Variants in PCGF5 observed in about 807,000 individuals in gnomAD.
The protein encoded by PCGF5 is polycomb group ring finger 5, also known as polycomb group RING finger protein 5.
Under a neutral mutation model 44.3 loss-of-function variants are expected in PCGF5, and 9 were observed. The ratio of observed to expected loss-of-function variants is 0.20; its 90% CI spans 0.12 to 0.35. PCGF5 has a LOEUF of 0.35. Among genes scored for constraint, PCGF5 ranks in the 10% least tolerant of loss-of-function variants. The pLI is 1.00. For missense variants in PCGF5, 146 were observed against 305.3 expected (o/e 0.48, Z 3.89); for synonymous variants, 95 against 102.5 (o/e 0.93, Z 0.44).
At chr10:91,180,893 A>T (rs942034406) in intron 1 of PCGF5, among the ~76,000 whole-genome samples, 1 of 152,160 alleles carries the variant, frequency 6.6e-6, no homozygotes, top group Admixed American at 6.5e-5. Flanking sequence ...GAAGAATGTC[A>T]ATGGTAGTTT....
chr10:91,258,820 G>T (rs1845823927), intron 6 of PCGF5, among the ~76,000 whole-genome samples: 1 of 152,054 alleles, frequency 6.6e-6, no homozygotes, highest in Admixed American at 6.6e-5. Context: ...ATTGTGACCA[G>T]GTTGTTATTT....
chr10:91,167,337 A>G (rs1004085682), intron 1 of PCGF5, among the ~76,000 whole-genome samples: 8 of 152,266 alleles, frequency 5.3e-5, no homozygotes, highest in South Asian at 4.1e-4. Flanking sequence ...TGTAGAGCAC[A>G]TAAGACAGAT....
intron 9 of PCGF5, among the ~76,000 whole-genome samples, chr10:91,272,670 G>C (rs1353589973): frequency 6.6e-6 from 1 of 152,130 alleles, no homozygotes; most frequent in East Asian, 1.9e-4. Context: ...CTACTAAGGA[G>C]GTTGAGGCGG....
chr10:91,257,483 C>G (rs1173182878), intron 6 of PCGF5, among the ~76,000 whole-genome samples: 1 of 146,918 alleles, frequency 6.8e-6, no homozygotes, highest in East Asian at 1.9e-4. Flanking sequence ...GCATATGTTC[C>G]AAGACCCCCA....
chr10:91,247,912 G>A (rs1215154917), intron 3 of PCGF5, among the ~76,000 whole-genome samples: 1 of 152,106 alleles, frequency 6.6e-6, no homozygotes, highest in Non-Finnish European at 1.5e-5. Flanking sequence ...TAGCTGGGTG[G>A]TTCATCTGGT....
chr10:91,213,526 G>A (rs1205586612), intron 1 of PCGF5, among the ~76,000 whole-genome samples: 7 of 151,880 alleles, frequency 4.6e-5, no homozygotes, highest in Admixed American at 1.3e-4. Context: ...GTGCAATGGC[G>A]TGATCTTGGC....
upstream of PCGF5, among the ~76,000 whole-genome samples, chr10:91,161,683 G>C (rs897644206): frequency 6.6e-6 from 1 of 152,186 alleles, no homozygotes; most frequent in African/African-American, 2.4e-5. Context: ...AGGAGATATA[G>C]AGACGCAGGA....
chr10:91,177,983 A>T (rs1438670595), intron 1 of PCGF5, among the ~76,000 whole-genome samples: 1 of 152,224 alleles, frequency 6.6e-6, no homozygotes, highest in African/African-American at 2.4e-5. Flanking sequence ...AAATGCAGAA[A>T]TCATCCATAT....
At chr10:91,198,438 T>TA (rs1268601114) in intron 1 of PCGF5, among the ~76,000 whole-genome samples, 2 of 152,360 alleles carry the variant, frequency 1.3e-5, no homozygotes, top group East Asian at 3.9e-4. Context: ...ATCTTCTCAC[T>TA]AATGCCTTTG....
At position 91,208,289 on chromosome 10, in the gene PCGF5, A is replaced by G. The variant is rs538774657; in HGVS notation, c.-183-14400A>G. Among the ~76,000 whole-genome samples the G allele has an allele frequency of 2.0e-5, 3 of 152,266 alleles. No homozygotes were observed. In the South Asian group the frequency reaches 6.2e-4, roughly 32 times the overall value. Reference sequence around the variant, plus strand: ...ATTATTTTCTTTAAATTCAGTGTGTATGATCCATTCCTCTTGCTCATTTTG... The same window carrying G: ...ATTATTTTCTTTAAATTCAGTGTGTGTGATCCATTCCTCTTGCTCATTTTG... On this transcript the variant is annotated intron_variant, in intron 1 of 9. Transcript: ENST00000614189.
At chr10:91,158,732 C>A (rs965360744), upstream of PCGF5, among the ~76,000 whole-genome samples, 3 of 152,162 alleles carry the variant, frequency 2.0e-5, no homozygotes, top group African/African-American at 7.2e-5. Context: ...CCAAACAATG[C>A]TTTTTCTTGG....
chr10:91,164,524 C>T (rs1472705610), intron 1 of PCGF5, among the ~76,000 whole-genome samples: 2 of 152,220 alleles, frequency 1.3e-5, no homozygotes, highest in Non-Finnish European at 2.9e-5. Flanking sequence ...GTCTACCTAA[C>T]TGGTTCTGAA....
At chr10:91,233,969 A>G (rs1845083220) in intron 2 of PCGF5, among the ~76,000 whole-genome samples, 1 of 152,214 alleles carries the variant, frequency 6.6e-6, no homozygotes, top group South Asian at 2.1e-4. Context: ...AGAAAAGATT[A>G]TTATTGTTTT....
intron 1 of PCGF5, among the ~76,000 whole-genome samples, chr10:91,187,616 G>T (rs902169745): frequency 6.6e-6 from 1 of 152,116 alleles, no homozygotes. Context: ...TTGATTCATG[G>T]GGTCCTTCTG....
rs1286238792 is a variant in PCGF5 at position 91,279,321 on chromosome 10, A to T, written c.*1005A>T. 1 of 152,196 alleles carries T rather than the reference A, an allele frequency of 6.6e-6. No individual in the cohort carries two copies. The highest frequency in any genetic ancestry group is 1.5e-5 in the Non-Finnish European group (1 of 68,022). The allele number at this position is 152,196 out of a possible 1,614,324, so 9.4% of individuals were successfully genotyped here. On this transcript the variant is annotated 3_prime_UTR_variant, in exon 10 of 10. Coordinates refer to ENST00000336126, the MANE Select transcript of PCGF5 (RefSeq NM_032373.5). ...TTTTATGGATTTCAAAAGTCTCAAA[A>T]CAGTTGTAGATTAAAACTGTTAGTT...
intron 5 of PCGF5, 109 bp from the exon 6 acceptor site, chr10:91,251,183 T>C (rs1315435624): frequency 1.2e-5 from 10 of 815,534 alleles, no homozygotes; most frequent in Non-Finnish European, 1.8e-5. Context: ...TCAAAAACTG[T>C]TAGGAAATTT....
Position 91,195,595 on chromosome 10 carries a change from C to T in PCGF5, c.-183-27094C>T, listed in dbSNP as rs182581309. Among the ~76,000 whole-genome samples, 41 of 151,566 alleles carry T rather than the reference C, an allele frequency of 2.7e-4. No homozygotes were observed. The East Asian group carries it at 6.1e-3, about 23-fold the overall frequency. On this transcript the variant is annotated intron_variant, in intron 1 of 9. Transcript: ENST00000614189. ...GGCCTCCTGGCCTCAAGTAATCCTC[C>T]ACCTCATTTTTTAATTTTTTTGTAG... is the stretch of plus-strand genomic sequence containing the variant.
intron 1 of PCGF5, among the ~76,000 whole-genome samples, chr10:91,221,706 G>A (rs1488388458): frequency 2.1e-5 from 3 of 144,682 alleles, no homozygotes. Flanking sequence ...TTTCTGAGAG[G>A]ATACATATTT....
chr10:91,234,557 A>G (rs947042219), intron 2 of PCGF5, among the ~76,000 whole-genome samples: 6 of 152,244 alleles, frequency 3.9e-5, no homozygotes, highest in African/African-American at 1.4e-4. Context: ...ACACATTTCA[A>G]GTTCCATCGG....
Sources: gnomAD v4.1 joint callset for allele counts (sites outside exome capture counted in the v4.1 genomes callset) on GRCh38, gnomAD v4.1.1 for gene constraint, MANE v1.5 for transcripts, NCBI Gene and HGNC (gene_info 2026-07-23, HGNC 2026-07-21) for gene names.